KLF12: variants seen among roughly 807,000 people sequenced by gnomAD.
KLF12 encodes the protein Krueppel-like factor 12.
A neutral mutation model predicts 37.8 loss-of-function variants in KLF12; 9 were observed. The ratio of observed to expected loss-of-function variants is 0.24; its 90% CI spans 0.14 to 0.42. KLF12 has a LOEUF of 0.42. KLF12 is among the 10% of genes least tolerant of loss of function. The pLI, the probability that KLF12 is intolerant of heterozygous loss-of-function variation, is 1.00. For missense variants in KLF12, 411 were observed against 516.0 expected, an observed-to-expected ratio of 0.80 and a Z score of 1.97; for synonymous variants, 208 against 202.1, an observed-to-expected ratio of 1.03 and a Z score of -0.25.
Position 73,688,984 on chromosome 13 carries a change from A to G in KLF12, c.*6506T>C, listed in dbSNP as rs1873663277. 1 of 152,194 alleles carries G rather than the reference A, an allele frequency of 6.6e-6. No homozygotes were observed. Among genetic ancestry groups the G allele is most frequent in the Non-Finnish European group, 1.5e-5 (1 of 68,048 alleles). 9.4% of individuals were successfully genotyped at this position (152,194 alleles called of 1,614,324 possible). The stretch of plus-strand genomic sequence containing the variant: ...CTTCCCATGTCTCCGTTTCCCATCC[A>G]TAAAGTGTAGAAATGTTGTACAGGT... On this transcript the variant is annotated 3_prime_UTR_variant, in exon 8 of 8. Coordinates refer to ENST00000377669, the MANE Select transcript of KLF12 (RefSeq NM_007249.5).
At chr13:74,187,100 A>G in the KLF12 span, among the ~76,000 whole-genome samples, 1 of 152,216 alleles carries the variant, frequency 6.6e-6, no homozygotes. Context: ...GACAGGGTCC[A>G]TTATTGCTCA....
At chr13:73,696,786 A>C (rs1173760709) in intron 7 of KLF12, among the ~76,000 whole-genome samples, 1 of 152,220 alleles carries the variant, frequency 6.6e-6, no homozygotes, top group Admixed American at 6.5e-5. Context: ...AAAGATGTGC[A>C]TGGCTCTCAA....
At chr13:73,740,921 G>A (rs917298626) in intron 6 of KLF12, among the ~76,000 whole-genome samples, 2 of 152,056 alleles carry the variant, frequency 1.3e-5, no homozygotes, top group Admixed American at 6.6e-5. Context: ...TGCAAAGCCC[G>A]CCCAGTGCTA....
chr13:74,189,401 G>A, the KLF12 span, among the ~76,000 whole-genome samples: 12 of 152,180 alleles, frequency 7.9e-5, no homozygotes, highest in Non-Finnish European at 1.6e-4. Flanking sequence ...TTTGCAGCGA[G>A]GCCACAGGGA....
chr13:74,263,838 A>G, the KLF12 span, among the ~76,000 whole-genome samples: 2 of 152,354 alleles, frequency 1.3e-5, no homozygotes, highest in East Asian at 3.9e-4. Flanking sequence ...ATTCTTGACC[A>G]TTTAAAAATC....
intron 3 of KLF12, among the ~76,000 whole-genome samples, chr13:73,914,417 T>A (rs1888715525): frequency 6.6e-6 from 1 of 152,158 alleles, no homozygotes; most frequent in African/African-American, 2.4e-5. Flanking sequence ...TTTCACTAAC[T>A]CCTACCTTGA....
chr13:74,043,940 A>G (rs959590066), intron 1 of KLF12, among the ~76,000 whole-genome samples: 11 of 152,248 alleles, frequency 7.2e-5, no homozygotes, highest in African/African-American at 2.2e-4. Context: ...CCAACAATAT[A>G]CAATATTCTT....
intron 3 of KLF12, among the ~76,000 whole-genome samples, chr13:73,886,992 C>A (rs79747480): frequency 8.5e-4 from 108 of 127,064 alleles, no homozygotes; most frequent in Middle Eastern, 3.8e-3. Flanking sequence ...AAATCCGTCT[C>A]AAAAAAAAAA....
chr13:73,780,754 G>A (rs539551683), intron 5 of KLF12, among the ~76,000 whole-genome samples: 3 of 152,294 alleles, frequency 2.0e-5, no homozygotes, highest in Non-Finnish European at 4.4e-5. Context: ...GAGCCACCGC[G>A]CCCAGCCAGA....
chr13:74,056,470 G>T (rs9530271), intron 1 of KLF12, among the ~76,000 whole-genome samples: 84,483 of 152,070 alleles, frequency 0.56, 24,295 homozygotes, highest in East Asian at 0.9. Context: ...AAATTCAACT[G>T]ACACGGCACT....
At chr13:74,284,128 A>G in the KLF12 span, among the ~76,000 whole-genome samples, 1 of 152,080 alleles carries the variant, frequency 6.6e-6, no homozygotes, top group African/African-American at 2.4e-5. Context: ...AAGTTCTGAG[A>G]TTACAGGCAT....
At chr13:74,032,565 C>T (rs1243184489) in intron 1 of KLF12, among the ~76,000 whole-genome samples, 10 of 152,164 alleles carry the variant, frequency 6.6e-5, no homozygotes, top group Admixed American at 3.3e-4. Context: ...GTCAACTCAA[C>T]GCTTGCTTTC....
chr13:73,886,257 G>A (rs186332386), intron 3 of KLF12, among the ~76,000 whole-genome samples: 13 of 152,246 alleles, frequency 8.5e-5, no homozygotes, highest in Admixed American at 3.9e-4. Flanking sequence ...AGAGCCAAAC[G>A]GTTTCGTACA....
intron 4 of KLF12, among the ~76,000 whole-genome samples, chr13:73,838,091 G>A (rs1884537055): frequency 6.6e-6 from 1 of 152,190 alleles, no homozygotes; most frequent in Non-Finnish European, 1.5e-5. Flanking sequence ...GTGAAACAAA[G>A]AGATCTGAAA....
At chr13:73,772,500 G>A (rs902820518) in intron 5 of KLF12, among the ~76,000 whole-genome samples, 2 of 152,222 alleles carry the variant, frequency 1.3e-5, no homozygotes, top group Non-Finnish European at 2.9e-5. Context: ...CACTTTAAAG[G>A]ATACATTTCT....
At chr13:73,925,646 A>G (rs1889339054) in intron 3 of KLF12, among the ~76,000 whole-genome samples, 1 of 152,226 alleles carries the variant, frequency 6.6e-6, no homozygotes, top group African/African-American at 2.4e-5. Context: ...ATTATTATTA[A>G]AGAAATATAT....
chr13:73,976,018 A>G (rs1891511103), intron 2 of KLF12, among the ~76,000 whole-genome samples: 1 of 152,144 alleles, frequency 6.6e-6, no homozygotes, highest in Non-Finnish European at 1.5e-5. Flanking sequence ...AACCCCATGC[A>G]GGCACACATT....
intron 1 of KLF12, among the ~76,000 whole-genome samples, chr13:74,042,509 T>C (rs1893434035): frequency 1.3e-5 from 2 of 152,190 alleles, no homozygotes; most frequent in African/African-American, 2.4e-5. Flanking sequence ...AAGATTGCTT[T>C]TTAGCTTCTT....
chr13:73,739,902 G>A (rs7320558), intron 6 of KLF12, among the ~76,000 whole-genome samples: 115,740 of 149,922 alleles, frequency 0.77, 45,356 homozygotes, highest in South Asian at 0.88. Context: ...CCAAATCACA[G>A]TTTTTCCTTT....
Sources: allele counts gnomAD v4.1 joint callset (sites outside exome capture counted in the v4.1 genomes callset), GRCh38; gene constraint gnomAD v4.1.1; transcripts MANE v1.5; gene names NCBI Gene and HGNC (gene_info 2026-07-23, HGNC 2026-07-21).